Variants in SYT14 observed in about 807,000 individuals in gnomAD.
The protein encoded by SYT14 is synaptotagmin-14.
SYT14 carries 32 observed loss-of-function variants against 74.2 expected under a neutral mutation model. That is an observed-to-expected ratio of 0.43 (90% confidence interval 0.33 to 0.58). The LOEUF (loss-of-function observed/expected upper bound fraction) is 0.58. Among genes scored for constraint, SYT14 ranks in the 20% least tolerant of loss-of-function variants. The pLI is 0.05. For missense variants in SYT14, 791 were observed against 981.8 expected, an observed-to-expected ratio of 0.81 and a Z score of 2.60; for synonymous variants, 298 against 337.7, an observed-to-expected ratio of 0.88 and a Z score of 1.29.
chr1:209,957,483 A>G (rs967875497), intron 2 of SYT14, among the ~76,000 whole-genome samples: 3 of 151,816 alleles, frequency 2.0e-5, no homozygotes, highest in Admixed American at 6.6e-5. Flanking sequence ...CTGGAGTGCA[A>G]TGGCGTGATC....
chr1:210,116,492 A>G (rs896392346), intron 7 of SYT14, among the ~76,000 whole-genome samples: 2 of 152,138 alleles, frequency 1.3e-5, no homozygotes, highest in African/African-American at 4.8e-5. Flanking sequence ...GACCATAGGC[A>G]TGCGCCACCA....
At position 209,952,696 on chromosome 1, in the gene SYT14, C is replaced by CT. The variant is rs762176023; in HGVS notation, c.-533-6dup. ...TTCTATGTTTTTAACTTCCCATAAACTTTTTTTAATAGGTGGAGAGAGAAC... is the reference window on the plus strand; with the variant it reads ...TTCTATGTTTTTAACTTCCCATAAACTTTTTTTTAATAGGTGGAGAGAGAAC... On this transcript the variant is annotated splice_polypyrimidine_tract_variant and intron_variant, in intron 1 of 9. Coordinates refer to ENST00000637265, the Ensembl canonical transcript of SYT14. 8 of 1,605,632 alleles carry CT rather than the reference C, an allele frequency of 5.0e-6. No individual in the cohort carries two copies. In the African/African-American group the frequency reaches 9.4e-5, roughly 19 times the overall value.
At chr1:210,148,979 T>C (rs928121326) in intron 7 of SYT14, among the ~76,000 whole-genome samples, 15 of 152,216 alleles carry the variant, frequency 9.9e-5, no homozygotes, top group African/African-American at 3.6e-4. Flanking sequence ...TATACACATA[T>C]GCCTATATTT....
chr1:209,990,037 A>G (rs2079638048), intron 2 of SYT14, among the ~76,000 whole-genome samples: 1 of 152,180 alleles, frequency 6.6e-6, no homozygotes, highest in Non-Finnish European at 1.5e-5. Context: ...ATTTTAATAA[A>G]CAAGTAAAAA....
intron 4 of SYT14, among the ~76,000 whole-genome samples, chr1:210,018,511 G>A (rs1263547542): frequency 1.3e-5 from 2 of 152,060 alleles, no homozygotes; most frequent in Non-Finnish European, 2.9e-5. Flanking sequence ...ACTGCTTAAA[G>A]TAGCAAAAAT....
exon 10 of SYT14, chr1:210,162,719 T>C: frequency 4.4e-6 from 2 of 450,004 alleles, no homozygotes; most frequent in Non-Finnish European, 8.9e-6. Flanking sequence ...AGCTTGGCTG[T>C]ACTGAAAGGC....
At position 209,943,663 on chromosome 1, in the gene SYT14, G is replaced by A. The variant is rs139422248; in HGVS notation, c.-534+5386G>A. Among the ~76,000 whole-genome samples the A allele has an allele frequency of 5.4e-3, 823 of 152,000 alleles. 5 individuals carry two copies. The highest frequency in any genetic ancestry group is 8.9e-3 in the South Asian group (43 of 4,814). ...CAGTTTATTTGAAAATATTATGTTC[G>A]CACATAGTATATGTGTGGTAGTATA... On this transcript the variant is annotated intron_variant, in intron 1 of 9. Coordinates refer to ENST00000637265, the Ensembl canonical transcript of SYT14.
At chr1:210,082,540 A>G (rs2081636191) in intron 5 of SYT14, among the ~76,000 whole-genome samples, 1 of 152,228 alleles carries the variant, frequency 6.6e-6, no homozygotes, top group Non-Finnish European at 1.5e-5. Context: ...ATGAGTGTAG[A>G]TAAGCAAGAG....
chr1:210,041,327 C>T (rs974106573), intron 5 of SYT14, among the ~76,000 whole-genome samples: 1 of 152,114 alleles, frequency 6.6e-6, no homozygotes, highest in Non-Finnish European at 1.5e-5. Flanking sequence ...CTTGCTTGGG[C>T]ACCAAACAGC....
At chr1:210,083,931 T>C (rs1443606627) in intron 5 of SYT14, among the ~76,000 whole-genome samples, 1 of 152,110 alleles carries the variant, frequency 6.6e-6, no homozygotes, top group Non-Finnish European at 1.5e-5. Flanking sequence ...ACTGGAACTC[T>C]TGGTCCCAAG....
chr1:209,958,028 G>A (rs761433721), intron 2 of SYT14, among the ~76,000 whole-genome samples: 6 of 151,474 alleles, frequency 4.0e-5, no homozygotes, highest in Non-Finnish European at 7.4e-5. Context: ...TAGCAATTCC[G>A]TTACTTTAAG....
chr1:209,961,270 A>G (rs994282293), intron 2 of SYT14, among the ~76,000 whole-genome samples: 1 of 152,096 alleles, frequency 6.6e-6, no homozygotes, highest in Non-Finnish European at 1.5e-5. Context: ...AAGGTGTAGA[A>G]CTATATTCTG....
chr1:209,972,921 G>A (rs2079282877), intron 2 of SYT14, among the ~76,000 whole-genome samples: 1 of 152,154 alleles, frequency 6.6e-6, no homozygotes. Flanking sequence ...CTGCCACGAT[G>A]ATGTGTCTCA....
chr1:210,083,164 G>C (rs929660913), intron 5 of SYT14, among the ~76,000 whole-genome samples: 1 of 151,768 alleles, frequency 6.6e-6, no homozygotes, highest in Non-Finnish European at 1.5e-5. Context: ...GGGTTTTTTT[G>C]TATTTTTAGT....
intron 5 of SYT14, among the ~76,000 whole-genome samples, chr1:210,042,082 T>C (rs993780982): frequency 6.6e-6 from 1 of 151,984 alleles, no homozygotes; most frequent in Non-Finnish European, 1.5e-5. Flanking sequence ...TCTACAGTTA[T>C]TCTCACAACT....
chr1:210,109,519 A>C (rs1644024616), intron 7 of SYT14, among the ~76,000 whole-genome samples: 2 of 150,680 alleles, frequency 1.3e-5, no homozygotes, highest in South Asian at 2.2e-4. Flanking sequence ...TGGAGGTTGC[A>C]GTGAGCCAAG....
At chr1:210,062,582 C>T (rs1004654127) in intron 5 of SYT14, among the ~76,000 whole-genome samples, 12 of 151,818 alleles carry the variant, frequency 7.9e-5, no homozygotes, top group Non-Finnish European at 3.0e-5. Flanking sequence ...GCCATCAACA[C>T]GTCCATTTTG....
intron 2 of SYT14, among the ~76,000 whole-genome samples, chr1:209,960,477 T>C (rs145647918): frequency 6.6e-6 from 1 of 152,214 alleles, no homozygotes; most frequent in Non-Finnish European, 1.5e-5. Flanking sequence ...ATGTTTTTCC[T>C]TGACTAGAAG....
At chr1:210,155,515 T>A (rs976991124) in intron 7 of SYT14, among the ~76,000 whole-genome samples, 9 of 152,316 alleles carry the variant, frequency 5.9e-5, no homozygotes, top group Middle Eastern at 6.8e-3. Flanking sequence ...ATCTTCTCAT[T>A]TCCTATTACT....
Sources: gnomAD v4.1 joint callset for allele counts (sites outside exome capture counted in the v4.1 genomes callset) on GRCh38, gnomAD v4.1.1 for gene constraint, MANE v1.5 for transcripts, NCBI Gene and HGNC (gene_info 2026-07-23, HGNC 2026-07-21) for gene names.